The following PARP11 variants were observed in gnomAD, a reference collection of about 807,000 sequenced individuals.
The protein encoded by PARP11 is protein mono-ADP-ribosyltransferase PARP11.
Under a neutral mutation model 42.9 loss-of-function variants are expected in PARP11, and 31 were observed. The ratio of observed to expected loss-of-function variants is 0.72; its 90% CI spans 0.54 to 0.98. The LOEUF (loss-of-function observed/expected upper bound fraction) is 0.98, where lower values mean the gene tolerates loss of function less well. PARP11 is among the 50% of genes least tolerant of loss of function. The pLI, the probability that PARP11 is intolerant of heterozygous loss-of-function variation, is 0.00. For missense variants in PARP11, 365 were observed against 413.1 expected, an observed-to-expected ratio of 0.88 and a Z score of 1.01; for synonymous variants, 137 against 127.3, an observed-to-expected ratio of 1.08 and a Z score of -0.51.
At chr12:3,816,203 T>C (rs1031011079) in intron 6 of PARP11, among the ~76,000 whole-genome samples, 25 of 149,400 alleles carry the variant, frequency 1.7e-4, no homozygotes, top group African/African-American at 5.8e-4. Flanking sequence ...GTTTTTTAAA[T>C]TAAAAAAAGA....
Position 3,812,321 on chromosome 12 carries a change from T to C in PARP11, c.819A>G (p.Thr273=), listed in dbSNP as rs1161911368. The C allele has an allele frequency of 1.9e-6, 3 of 1,614,118 alleles. No homozygotes were observed. The highest frequency in any genetic ancestry group is 2.5e-6 in the Non-Finnish European group (3 of 1,180,050). Residue 273 remains threonine, a synonymous_variant, in exon 8 of 8, where the codon ACA becomes ACG. Transcript: ENST00000228820. ...VSLQQRHLFR[T]YKSMFLARVL... is the part of the protein sequence containing the mutation. Reference sequence around the variant, plus strand: ...CTCGAGCAAGAAACATAGATTTATATGTTCTAAACAGATGCCGCTGTTGCA... The same window carrying C: ...CTCGAGCAAGAAACATAGATTTATACGTTCTAAACAGATGCCGCTGTTGCA...
At chr12:3,828,852 G>A in intron 3 of PARP11, 58 bp downstream of exon 3, 8 of 1,494,274 alleles carry the variant, frequency 5.4e-6, no homozygotes, top group South Asian at 4.6e-5. Context: ...CTTCAGAGCT[G>A]TAGATTTTAT....
At position 3,840,095 on chromosome 12, in the gene PARP11, T is replaced by C. The variant is rs1947855744; in HGVS notation, c.19-10077A>G. 1 of 1,609,638 alleles carries C rather than the reference T, an allele frequency of 6.2e-7. No individual in the cohort carries two copies. Among genetic ancestry groups the C allele is most frequent in the Non-Finnish European group, 8.5e-7 (1 of 1,175,978 alleles). ...AGAAATGTGGAATATGAAATTTGGC[T>C]GGAGTCTAAACAAGCTCAGCAAAAA... On this transcript the variant is annotated intron_variant, in intron 1 of 7. Transcript: ENST00000228820. The surrounding 1 kb of genome is among the most constrained non-coding windows in gnomAD (Gnocchi z 4.4).
intron 1 of PARP11, among the ~76,000 whole-genome samples, chr12:3,862,450 CA>C (rs950735539): frequency 3.6e-4 from 55 of 151,348 alleles, no homozygotes; most frequent in Middle Eastern, 3.4e-3. Context: ...GACTCTGTCT[CA>C]AAAAAATAAA....
chr12:3,849,556 A>G (rs902593802), intron 1 of PARP11, among the ~76,000 whole-genome samples: 3 of 152,226 alleles, frequency 2.0e-5, no homozygotes, highest in African/African-American at 7.2e-5. Flanking sequence ...CAAGCACGGA[A>G]AGACAAATAT....
At chr12:3,826,320 T>C (rs929924932) in intron 3 of PARP11, 87 bp from the exon 4 acceptor site, 7 of 916,290 alleles carry the variant, frequency 7.6e-6, no homozygotes, top group African/African-American at 1.7e-5. Context: ...CGCTACGCGA[T>C]GATCAGGAAT....
At chr12:3,815,201 C>G (rs10848940) in intron 6 of PARP11, 62,136 of 404,296 alleles carry the variant, frequency 0.15, 6,436 homozygotes, top group East Asian at 0.35. Flanking sequence ...AATCCCCTCC[C>G]CCGGCTTCTG....
chr12:3,866,024 A>G (rs1460126628), intron 1 of PARP11, among the ~76,000 whole-genome samples: 2 of 149,710 alleles, frequency 1.3e-5, no homozygotes, highest in Non-Finnish European at 3.0e-5. Flanking sequence ...CACTATGTTT[A>G]TTTCTTCAGT....
intron 1 of PARP11, among the ~76,000 whole-genome samples, chr12:3,866,253 G>T (rs1232588888): frequency 1.3e-5 from 2 of 151,884 alleles, no homozygotes; most frequent in Non-Finnish European, 2.9e-5. Context: ...TCTTCTCTTG[G>T]TTTCTATGAC....
chr12:3,873,365 T>C lies in PARP11; in HGVS notation c.-136A>G, dbSNP rs570602708. The C allele has an allele frequency of 7.9e-6, 6 of 759,410 alleles. No homozygotes were observed. The highest frequency in any genetic ancestry group is 4.7e-5 in the Admixed American group (2 of 42,220). The allele number at this position is 759,410 out of a possible 1,614,324, so 47.0% of individuals were successfully genotyped here. On this transcript the variant is annotated 5_prime_UTR_variant, in exon 1 of 8. Coordinates refer to ENST00000228820, the MANE Select transcript of PARP11 (RefSeq NM_020367.6). The stretch of plus-strand genomic sequence containing the variant: ...GCAACCTTTACGAAGGCCTTCCTCC[T>C]CCCCCTCCCTGTCACAAGCCAGCGT...
chr12:3,854,826 A>T (rs1196653972), intron 1 of PARP11, among the ~76,000 whole-genome samples: 1 of 151,908 alleles, frequency 6.6e-6, no homozygotes, highest in African/African-American at 2.4e-5. Context: ...AGAAACAACA[A>T]AAAAAAAGAG....
chr12:3,837,911 A>C (rs1170213457), intron 1 of PARP11, among the ~76,000 whole-genome samples: 1 of 151,944 alleles, frequency 6.6e-6, no homozygotes, highest in African/African-American at 2.4e-5. Flanking sequence ...CATAATTATA[A>C]ATATCTATGC....
At chr12:3,838,170 C>G (rs1947804147) in intron 1 of PARP11, among the ~76,000 whole-genome samples, 1 of 150,634 alleles carries the variant, frequency 6.6e-6, no homozygotes, top group South Asian at 2.1e-4. Context: ...TTTTCATCAA[C>G]ACATGAAATA....
At chr12:3,848,902 A>C (rs1285292513) in intron 1 of PARP11, among the ~76,000 whole-genome samples, 1 of 152,052 alleles carries the variant, frequency 6.6e-6, no homozygotes, top group African/African-American at 2.4e-5. Flanking sequence ...CAAACTATCA[A>C]TGTGACAATG....
At chr12:3,849,667 C>T (rs1948061381) in intron 1 of PARP11, among the ~76,000 whole-genome samples, 1 of 151,968 alleles carries the variant, frequency 6.6e-6, no homozygotes, top group Admixed American at 6.5e-5. Flanking sequence ...GGGGGAGAGA[C>T]TGATTAAAAG....
intron 1 of PARP11, among the ~76,000 whole-genome samples, chr12:3,846,622 T>C (rs1381554416): frequency 6.6e-6 from 1 of 151,600 alleles, no homozygotes; most frequent in Non-Finnish European, 1.5e-5. Context: ...CCAGGTGTGG[T>C]GGCAGGCGCC....
At chr12:3,835,913 T>G (rs752587955) in intron 1 of PARP11, among the ~76,000 whole-genome samples, 25 of 151,822 alleles carry the variant, frequency 1.6e-4, no homozygotes, top group African/African-American at 5.8e-4. Context: ...TACCATTAAG[T>G]GCACCAACAT....
At chr12:3,867,573 A>G (rs1328641797) in intron 1 of PARP11, among the ~76,000 whole-genome samples, 1 of 152,214 alleles carries the variant, frequency 6.6e-6, no homozygotes, top group African/African-American at 2.4e-5. Flanking sequence ...CCTGATTTTT[A>G]ATGCTGAGAA....
intron 3 of PARP11, among the ~76,000 whole-genome samples, chr12:3,828,200 A>G (rs374885323): frequency 5.3e-5 from 8 of 152,330 alleles, no homozygotes; most frequent in East Asian, 3.9e-4. Context: ...TTGTTCTTGA[A>G]ACTATTGCCA....
Sources: allele counts gnomAD v4.1 joint callset (sites outside exome capture counted in the v4.1 genomes callset), GRCh38; gene constraint gnomAD v4.1.1; non-coding constraint Gnocchi (gnomAD v3.1); transcripts MANE v1.5; gene names NCBI Gene and HGNC (gene_info 2026-07-23, HGNC 2026-07-21).